CR1: variants seen among roughly 807,000 people sequenced by gnomAD.
CR1 encodes complement C3b/C4b receptor 1 (Knops blood group).
In CR1, 116 loss-of-function variants were observed where a neutral mutation model predicts 187.3. The observed-to-expected ratio is 0.62, with a 90% confidence interval of 0.53 to 0.72. The LOEUF (loss-of-function observed/expected upper bound fraction) is 0.72, where lower values mean the gene tolerates loss of function less well. Among genes scored for constraint, CR1 ranks in the 30% least tolerant of loss-of-function variants. The probability of loss-of-function intolerance (pLI) is 0.00; values close to 1 mark genes in which losing one functional copy is unlikely to be tolerated. For missense variants in CR1, 1,731 were observed against 2,110.7 expected, an observed-to-expected ratio of 0.82 and a Z score of 3.52; for synonymous variants, 576 against 747.1, an observed-to-expected ratio of 0.77 and a Z score of 3.73.
intron 35 of CR1, among the ~76,000 whole-genome samples, chr1:207,589,551 T>C (rs1407461685): frequency 6.6e-6 from 1 of 152,088 alleles, no homozygotes; most frequent in Non-Finnish European, 1.5e-5. Flanking sequence ...GAATGCCTCT[T>C]CTCCTCCAAA....
chr1:207,618,448 T>C (rs948002329), intron 42 of CR1, among the ~76,000 whole-genome samples: 1 of 152,226 alleles, frequency 6.6e-6, no homozygotes, highest in Non-Finnish European at 1.5e-5. Flanking sequence ...TGCTTCTCCA[T>C]CCAGAGCATT....
Position 207,577,884 on chromosome 1 carries a change from A to G in CR1, c.4617A>G (p.Ser1539=), listed in dbSNP as rs750121887. Residue 1539 remains serine (S), a synonymous_variant, in exon 29 of 47, where the codon TCA becomes TCG. Transcript: ENST00000367049. ...ACAGAGAGAATTTTCACTATGGATC[A>G]GTGGTGACCTACCGCTGCAATCTTG... ...STNRENFHYG[S]VVTYRCNLGS... 14 of 1,613,542 alleles carry G rather than the reference A, an allele frequency of 8.7e-6. No individual in the cohort carries two copies. Among genetic ancestry groups the G allele is most frequent in the Admixed American group, 1.7e-5 (1 of 60,004 alleles).
chr1:207,623,031 A>C lies in CR1; in HGVS notation c.7315A>C (p.Ile2439Leu). The change falls in exon 45 of 47, where the codon ATT becomes CTT. Residue 2439 changes from isoleucine to leucine, a missense_variant. Transcript: ENST00000367049. The part of the protein sequence containing the change: ...SGTIFFILLI[I>L]FLSWIILKHR... ...TACGATCTTCTTTATTTTACTCATC[A>C]TTTTCCTCTCTTGGATAATTCTAAA... is the stretch of plus-strand genomic sequence containing the variant. 1 of 1,581,680 alleles carries C rather than the reference A, an allele frequency of 6.3e-7. No individual in the cohort carries two copies. The highest frequency in any genetic ancestry group is 8.6e-7 in the Non-Finnish European group (1 of 1,161,170).
chr1:207,565,538 T>C (rs533221407), intron 23 of CR1, among the ~76,000 whole-genome samples: 2 of 150,364 alleles, frequency 1.3e-5, no homozygotes, highest in South Asian at 4.2e-4. Flanking sequence ...TATCAGGTTA[T>C]CATGGAGTAA....
intron 4 of CR1, among the ~76,000 whole-genome samples, chr1:207,517,251 T>C (rs1241283419): frequency 6.6e-6 from 1 of 152,124 alleles, no homozygotes; most frequent in Admixed American, 6.5e-5. Context: ...TGATGTGTTA[T>C]AGATGATTAT....
At chr1:207,617,630 G>T (rs1392746799) in intron 41 of CR1, among the ~76,000 whole-genome samples, 115 of 50,686 alleles carry the variant, frequency 2.3e-3, no homozygotes, top group East Asian at 0.011. Context: ...GAGAGAGAGA[G>T]AGAGAGAGAG....
In CR1 at chr1:207,633,765, G is replaced by A. The variant is rs11804509; in HGVS notation, c.7457+3144G>A. Among the ~76,000 whole-genome samples, 865 of 152,326 alleles carry A rather than the reference G, an allele frequency of 5.7e-3. 11 individuals are homozygous for A. Among genetic ancestry groups the A allele is most frequent in the African/African-American group, 0.019 (789 of 41,568 alleles). Reference sequence around the variant, plus strand: ...TGAGAAATTTTTCATGCACGTCCCTGTGAAGAGATCACCAAACAGGCTTTG... The same window carrying A: ...TGAGAAATTTTTCATGCACGTCCCTATGAAGAGATCACCAAACAGGCTTTG... On this transcript the variant is annotated intron_variant, in intron 46 of 46. Transcript: ENST00000367049.
rs1407165001 is a variant in CR1 at position 207,597,311 on chromosome 1, C to T, written c.5810+8537C>T. Among the ~76,000 whole-genome samples the T allele has an allele frequency of 2.6e-5, 4 of 152,004 alleles. No individual in the cohort carries two copies. In the East Asian group the frequency reaches 7.7e-4, roughly 29 times the overall value. ...AATCCCCCCTTTTGAAAGACAAAGG[C>T]TTCTAAATATGGTCAGAATCCTATT... is the stretch of plus-strand genomic sequence containing the variant. On this transcript the variant is annotated intron_variant, in intron 35 of 46. Transcript: ENST00000367049.
At chr1:207,589,030 T>C (rs186500782) in intron 35 of CR1, among the ~76,000 whole-genome samples, 25 of 152,304 alleles carry the variant, frequency 1.6e-4, no homozygotes, top group Admixed American at 1.6e-3. Flanking sequence ...TGAAACCTGG[T>C]CAGGCATTCA....
At chr1:207,591,963 A>T in intron 35 of CR1, among the ~76,000 whole-genome samples, 1 of 152,216 alleles carries the variant, frequency 6.6e-6, no homozygotes, top group East Asian at 1.9e-4. Flanking sequence ...ATAGCCTACC[A>T]ACCAAAAAAA....
chr1:207,524,313 T>C (rs1660098767), intron 5 of CR1, among the ~76,000 whole-genome samples: 2 of 152,086 alleles, frequency 1.3e-5, no homozygotes, highest in South Asian at 4.1e-4. Context: ...CCGGGCACTA[T>C]AATACAGGCT....
intron 5 of CR1, among the ~76,000 whole-genome samples, 177 bp downstream of exon 5, chr1:207,524,186 C>G (rs563883132): frequency 6.6e-6 from 1 of 152,052 alleles, no homozygotes; most frequent in South Asian, 2.1e-4. Flanking sequence ...GCTGAAATTG[C>G]GAAGCAAAGC....
rs746349462 is a variant in CR1, at chr1:207,511,561, G to C, written c.402-8G>C. The C allele has an allele frequency of 1.2e-6, 2 of 1,610,850 alleles. No homozygotes were observed. Among genetic ancestry groups the C allele is most frequent in the Non-Finnish European group, 1.7e-6 (2 of 1,177,988 alleles). On this transcript the variant is annotated splice_polypyrimidine_tract_variant and splice_region_variant and intron_variant, in intron 3 of 46. Coordinates refer to ENST00000367049, the MANE Select transcript of CR1 (RefSeq NM_000651.6). The stretch of plus-strand genomic sequence containing the variant: ...TAGAATGTAACATTCCTTATTTTTT[G>C]CCTCTAGATACCGACTCATTGGTTC...
intron 3 of CR1, among the ~76,000 whole-genome samples, chr1:207,509,923 A>G (rs1659561395): frequency 6.6e-6 from 1 of 152,186 alleles, no homozygotes; most frequent in African/African-American, 2.4e-5. Context: ...GGCATTAAAA[A>G]ACAAAATAAG....
intron 37 of CR1, 50 bp from the exon 38 acceptor site, chr1:207,611,627 A>C: frequency 6.2e-7 from 1 of 1,604,634 alleles, no homozygotes; most frequent in Non-Finnish European, 8.5e-7. Context: ...GATATAACAA[A>C]GGAAATTGCC....
chr1:207,619,817 T>C, intron 42 of CR1, 63 bp from the exon 43 acceptor site: 1 of 1,445,172 alleles, frequency 6.9e-7, no homozygotes, highest in Admixed American at 2.3e-5. Context: ...TCTCCTATTC[T>C]CGCAGTTAAA....
chr1:207,630,538 T>C lies in CR1; in HGVS notation c.7374T>C (p.Pro2458=). ...TTAGCAATAATGCACATGAAAACCCTAAAGAAGTGGCTATCCATTTACATT... is the reference window on the plus strand; with the variant it reads ...TTAGCAATAATGCACATGAAAACCCCAAAGAAGTGGCTATCCATTTACATT... ...HRKGNNAHEN[P]KEVAIHLHSQ... Residue 2458 remains proline, a synonymous_variant, in exon 46 of 47, where the codon CCT becomes CCC. Transcript: ENST00000367049. 6.2e-7 allele frequency: 1 copy of C among 1,609,182 alleles called. No individual in the cohort carries two copies. The highest frequency in any genetic ancestry group is 8.5e-7 in the Non-Finnish European group (1 of 1,178,114).
chr1:207,565,663 T>C (rs1394560422), intron 23 of CR1, among the ~76,000 whole-genome samples, 175 bp from the exon 24 acceptor site: 1 of 150,214 alleles, frequency 6.7e-6, no homozygotes, highest in Non-Finnish European at 1.5e-5. Context: ...TTTGCCATTC[T>C]ATATTGTTCC....
intron 4 of CR1, among the ~76,000 whole-genome samples, chr1:207,523,058 G>C (rs889117460): frequency 2.0e-5 from 3 of 151,976 alleles, no homozygotes; most frequent in Non-Finnish European, 4.4e-5. Context: ...ATTTTTGAAT[G>C]AATTTTGGTA....
Sources: allele counts gnomAD v4.1 joint callset (sites outside exome capture counted in the v4.1 genomes callset), GRCh38; gene constraint gnomAD v4.1.1; transcripts MANE v1.5; gene names NCBI Gene and HGNC (gene_info 2026-07-23, HGNC 2026-07-21).